Variants in SAMHD1 observed in about 807,000 individuals in gnomAD.
SAMHD1 encodes the protein deoxynucleoside triphosphate triphosphohydrolase SAMHD1.
In SAMHD1, 54 loss-of-function variants were observed where a neutral mutation model predicts 79.6. The observed-to-expected ratio is 0.68, with a 90% CI of 0.55 to 0.85. SAMHD1 has a LOEUF of 0.85. Ranked by LOEUF, SAMHD1 falls within the 40% of genes least tolerant of loss-of-function variation. The probability of loss-of-function intolerance (pLI) is 0.00; values close to 1 mark genes in which losing one functional copy is unlikely to be tolerated. For synonymous variants in SAMHD1, 260 were observed against 264.1 expected (o/e 0.98, Z 0.15); for missense variants, 663 against 782.7 (o/e 0.85, Z 1.82).
chr20:36,910,826 T>C (rs184511840), intron 11 of SAMHD1, among the ~76,000 whole-genome samples: 14 of 152,194 alleles, frequency 9.2e-5, no homozygotes, highest in African/African-American at 2.9e-4. Flanking sequence ...AACAAAACTA[T>C]ATGCTAGGTA....
At chr20:36,900,800 C>T (rs1444144105) in intron 13 of SAMHD1, among the ~76,000 whole-genome samples, 1 of 147,786 alleles carries the variant, frequency 6.8e-6, no homozygotes, top group African/African-American at 2.5e-5. Flanking sequence ...TCTCGATCTC[C>T]TGACCTTGTG....
At chr20:36,911,498 G>C (rs2063440201) in intron 10 of SAMHD1, 165 bp from the exon 11 acceptor site, 2 of 622,736 alleles carry the variant, frequency 3.2e-6, no homozygotes, top group Admixed American at 4.7e-5. Context: ...GGTAAGCTGT[G>C]AGCTGCCATG....
rs1213840350 is a variant in SAMHD1 at position 36,948,238 on chromosome 20, C to A, written c.209-1434G>T. Among the ~76,000 whole-genome samples the A allele has an allele frequency of 2.0e-5, 3 of 151,930 alleles. No homozygotes were observed. The East Asian group carries it at 5.8e-4, about 30-fold the overall frequency. ...CTTATCAAATTAAAAAAAAAATGGA[C>A]TTAGATAAAGAGAGACTTTTTTTTT... On this transcript the variant is annotated intron_variant, in intron 1 of 15. Transcript: ENST00000646673.
At position 36,904,890 on chromosome 20, in the gene SAMHD1, T is replaced by C. The variant is rs529288789; in HGVS notation, c.1410+474A>G. 4.9e-5 allele frequency: 9 copies of C among 184,880 alleles called. No homozygotes were observed. In the South Asian group the frequency reaches 8.9e-4, roughly 18 times the overall value. The allele number at this position is 184,880 out of a possible 1,614,324, so 11.5% of individuals were successfully genotyped here. On this transcript the variant is annotated intron_variant, in intron 12 of 15. Transcript: ENST00000646673. ...GGCAAACAGAAAACTCTTCAACAAG[T>C]AGGAGGTGAAAATAGATATTTGAGC...
At chr20:36,944,312 T>C (rs1329563197) in intron 2 of SAMHD1, among the ~76,000 whole-genome samples, 17 of 145,514 alleles carry the variant, frequency 1.2e-4, no homozygotes, top group Non-Finnish European at 2.6e-4. Context: ...GAGTGAGACT[T>C]CGTCTCAAAA....
intron 10 of SAMHD1, chr20:36,912,020 CT>C (rs1257893228): frequency 5.0e-6 from 1 of 202,016 alleles, no homozygotes; most frequent in Non-Finnish European, 1.0e-5. Flanking sequence ...CCATTTGGTA[CT>C]AATTTTGATA....
At chr20:36,947,405 G>GGGGTGTGT (rs1424404499) in intron 1 of SAMHD1, among the ~76,000 whole-genome samples, 1 of 29,128 alleles carries the variant, frequency 3.4e-5, no homozygotes, top group African/African-American at 2.4e-4. Context: ...ATTTGGAAGA[G>GGGGTGTGT]GTGTGTGTGT....
At chr20:36,912,647 G>T (rs905284570) in intron 9 of SAMHD1, 95 bp from the exon 10 acceptor site, 11 of 843,564 alleles carry the variant, frequency 1.3e-5, no homozygotes, top group Non-Finnish European at 2.2e-5. Context: ...AGGGATAGTG[G>T]CAGACAAGAG....
At position 36,935,866 on chromosome 20, in the gene SAMHD1, C is replaced by T. The variant is rs1232159006; in HGVS notation, c.349-677G>A. Among the ~76,000 whole-genome samples the T allele has an allele frequency of 2.6e-5, 4 of 151,998 alleles. 1 individual carries two copies. The highest frequency in any genetic ancestry group is 2.6e-4 in the Admixed American group (4 of 15,250). On this transcript the variant is annotated intron_variant, in intron 3 of 15. Coordinates refer to ENST00000646673, the MANE Select transcript of SAMHD1 (RefSeq NM_015474.4). The stretch of plus-strand genomic sequence containing the variant: ...GATTACAGGCGTGAGCCACCGTGCC[C>T]GGCCTAAATTTTTTTTTTTCTAAAT...
intron 1 of SAMHD1, chr20:36,947,129 G>A (rs2146151973): frequency 3.5e-6 from 1 of 281,774 alleles, no homozygotes; most frequent in South Asian, 3.7e-5. Flanking sequence ...TTTGAGTTGG[G>A]GAGGGAAGGA....
chr20:36,933,267 C>T (rs2063579086), intron 4 of SAMHD1, among the ~76,000 whole-genome samples: 1 of 152,164 alleles, frequency 6.6e-6, no homozygotes, highest in Non-Finnish European at 1.5e-5. Flanking sequence ...CCTGGCTCTA[C>T]ACTGCATAAT....
intron 1 of SAMHD1, chr20:36,947,059 C>A (rs2063691204): frequency 2.8e-6 from 1 of 362,790 alleles, no homozygotes; most frequent in African/African-American, 2.1e-5. Context: ...CCAAGAAAAA[C>A]CAGTTGCAAA....
At chr20:36,934,766 C>T (rs1378399890) in intron 4 of SAMHD1, 11 of 373,268 alleles carry the variant, frequency 2.9e-5, no homozygotes, top group African/African-American at 2.1e-4. Flanking sequence ...TCAAGTGATC[C>T]TCCTGCCTCA....
At chr20:36,908,362 G>A (rs930551914) in intron 11 of SAMHD1, among the ~76,000 whole-genome samples, 4 of 150,594 alleles carry the variant, frequency 2.7e-5, no homozygotes, top group Non-Finnish European at 5.9e-5. Context: ...CCCAACCTCA[G>A]CATCCTGAGT....
chr20:36,929,269 G>T (rs938017676), intron 5 of SAMHD1, among the ~76,000 whole-genome samples: 2 of 152,016 alleles, frequency 1.3e-5, no homozygotes, highest in Non-Finnish European at 2.9e-5. Flanking sequence ...TTGGTTCTTT[G>T]TAAGTCTCCG....
At chr20:36,946,288 C>A in intron 2 of SAMHD1, 1 of 159,750 alleles carries the variant, frequency 6.3e-6, no homozygotes, top group Non-Finnish European at 1.4e-5. Context: ...TGGCAGGCGC[C>A]TGTAGTCCCA....
chr20:36,944,623 AGTG>A (rs2063672359), intron 2 of SAMHD1, among the ~76,000 whole-genome samples: 1 of 152,232 alleles, frequency 6.6e-6, no homozygotes, highest in African/African-American at 2.4e-5. Flanking sequence ...GGCCGGTCGC[AGTG>A]GCTCGCGCCT....
rs1427836296 is a variant in SAMHD1, at chr20:36,891,515, C to T, written c.*1417G>A. The stretch of plus-strand genomic sequence containing the variant: ...TGGCCACCACCAGCTTTGGCTCTAA[C>T]TGCAGACTTTGTTCTTGGTGAATTG... On this transcript the variant is annotated 3_prime_UTR_variant, in exon 16 of 16. Coordinates refer to ENST00000646673, the MANE Select transcript of SAMHD1 (RefSeq NM_015474.4). 1 of 152,576 alleles carries T rather than the reference C, an allele frequency of 6.6e-6. No individual in the cohort carries two copies. The highest frequency in any genetic ancestry group is 2.4e-5 in the African/African-American group (1 of 41,472). 9.5% of individuals were successfully genotyped at this position (152,576 alleles called of 1,614,324 possible).
rs952762274 is a variant in SAMHD1, at chr20:36,910,415, TA to T, written c.1270+802del. 1.0e-3 allele frequency among the ~76,000 whole-genome samples: 150 copies of T among 149,694 alleles called. 1 individual carries two copies. Among genetic ancestry groups the T allele is most frequent in the African/African-American group, 3.5e-3 (142 of 40,644 alleles). ...AAAATCTTGTCTGAAAATAAATAAATAAAAAAAAATTAAATTTAAAAGTTAA... is the reference window on the plus strand; with the variant it reads ...AAAATCTTGTCTGAAAATAAATAAATAAAAAAAATTAAATTTAAAAGTTAA... On this transcript the variant is annotated intron_variant, in intron 11 of 15. Transcript: ENST00000646673.
Sources: allele counts gnomAD v4.1 joint callset (sites outside exome capture counted in the v4.1 genomes callset), GRCh38; gene constraint gnomAD v4.1.1; transcripts MANE v1.5; gene names NCBI Gene and HGNC (gene_info 2026-07-23, HGNC 2026-07-21).